Variants in CABLES2 observed in about 807,000 individuals in gnomAD.
CABLES2 encodes the protein CDK5 and ABL1 enzyme substrate 2.
CABLES2 carries 35 observed loss-of-function variants against 44.8 expected under a neutral mutation model. The observed-to-expected ratio is 0.78, with a 90% confidence interval of 0.60 to 1.04. The LOEUF is 1.04. Among genes scored for constraint, CABLES2 ranks in the 50% least tolerant of loss-of-function variants. The pLI, the probability that CABLES2 is intolerant of heterozygous loss-of-function variation, is 0.00. For synonymous variants in CABLES2, 282 were observed against 281.1 expected, an observed-to-expected ratio of 1.00 and a Z score of -0.03; for missense variants, 566 against 615.7, an observed-to-expected ratio of 0.92 and a Z score of 0.85.
chr20:62,398,089 C>CGGT (rs1376860164), intron 1 of CABLES2, among the ~76,000 whole-genome samples: 2 of 54,930 alleles, frequency 3.6e-5, no homozygotes, highest in Admixed American at 1.8e-4. Context: ...GTGGTGGTGA[C>CGGT]GGTGGTGGTG....
chr20:62,391,269 C>A lies in CABLES2; in HGVS notation c.1276G>T (p.Gly426Cys). Residue 426 changes from glycine (G) to cysteine (C), a missense_variant, in exon 9 of 10, where the codon GGC (glycine) becomes TGC (cysteine). This residue lies in a region of CABLES2 where 436 missense variants were observed against 536.3 expected (regional missense o/e 0.81). Transcript: ENST00000279101. This position sits in a 1 kb window ranked among gnomAD's most constrained non-coding sequence, Gnocchi z 5.7. The stretch of plus-strand genomic sequence containing the variant: ...CTCACATCGATGAGCTGCGTCACGC[C>A]GCTCTTGCGCAGGTCACTGCTGATC... ...AKISSDLRKS[G>C]VTQLIDKLEE... 2 of 1,610,188 alleles carry A rather than the reference C, an allele frequency of 1.2e-6. No individual in the cohort carries two copies. Among genetic ancestry groups the A allele is most frequent in the Non-Finnish European group, 1.7e-6 (2 of 1,178,096 alleles).
Position 62,393,524 on chromosome 20 carries a change from G to C in CABLES2, c.796C>G (p.Pro266Ala). 1 of 1,613,618 alleles carries C rather than the reference G, an allele frequency of 6.2e-7. No homozygotes were observed. The highest frequency in any genetic ancestry group is 8.5e-7 in the Non-Finnish European group (1 of 1,179,724). ...AGAGTCCGGGGGACACTGGGCCGAG[G>C]TGTGGGCAGCAGGCCATGGCTGTCA... ...KSDSHGLLPT[P>A]RPSVPRTLPG... The change falls in exon 6 of 10, where the codon CCT becomes GCT. Residue 266 changes from proline (P) to alanine (A), a missense_variant. Pro to Ala is a conservative substitution (Grantham distance 27). Transcript: ENST00000279101.
intron 1 of CABLES2, among the ~76,000 whole-genome samples, chr20:62,398,071 C>CAGT (rs1329645222): frequency 2.9e-5 from 2 of 68,302 alleles, no homozygotes; most frequent in African/African-American, 6.7e-5. Context: ...GTGGTGGTGA[C>CAGT]GGTGGTGGTG....
chr20:62,400,762 A>T (rs1445345561), intron 1 of CABLES2, among the ~76,000 whole-genome samples: 1 of 152,136 alleles, frequency 6.6e-6, no homozygotes, highest in African/African-American at 2.4e-5. Flanking sequence ...GAGCTGCAGC[A>T]GGGAGGCTGA....
rs1569013868 is a variant in CABLES2, at chr20:62,389,858, A to G, written c.*1113T>C. On this transcript the variant is annotated 3_prime_UTR_variant, in exon 10 of 10. Coordinates refer to ENST00000279101, the MANE Select transcript of CABLES2 (RefSeq NM_031215.3). Reference sequence around the variant, plus strand: ...CTGCACAGAAGGGACAACGACCACCATTTGGGGTCCTTTTAGCATGGTGGG... The same window carrying G: ...CTGCACAGAAGGGACAACGACCACCGTTTGGGGTCCTTTTAGCATGGTGGG... The G allele has an allele frequency of 6.6e-6, 1 of 152,220 alleles. No homozygotes were observed. Among genetic ancestry groups the G allele is most frequent in the Non-Finnish European group, 1.5e-5 (1 of 68,064 alleles). 9.4% of individuals were successfully genotyped at this position (152,220 alleles called of 1,614,324 possible). A position where few individuals can be genotyped will look rare whatever the true frequency, so the allele number is the denominator to read the frequency against.
intron 1 of CABLES2, chr20:62,405,303 C>T (rs888812333): frequency 2.6e-5 from 4 of 152,324 alleles, no homozygotes; most frequent in African/African-American, 9.6e-5. Flanking sequence ...TGCCGCTCTG[C>T]CCTGGAGAGT....
chr20:62,396,756 AG>A lies in CABLES2; in HGVS notation c.363-165del, dbSNP rs1270323749. Among the ~76,000 whole-genome samples, 4 of 151,964 alleles carry A rather than the reference AG, an allele frequency of 2.6e-5. No homozygotes were observed. Among genetic ancestry groups the A allele is most frequent in the Non-Finnish European group, 2.9e-5 (2 of 67,952 alleles). ...AGAGCCCATGCAGACTGAGGCGGGG[AG>A]GAGGGGCACCTCCTGCCTTGAGAGG... On this transcript the variant is annotated intron_variant, in intron 1 of 9. Coordinates refer to ENST00000279101, the MANE Select transcript of CABLES2 (RefSeq NM_031215.3). This position sits in a 1 kb window ranked among gnomAD's most constrained non-coding sequence, Gnocchi z 5.7.
At position 62,389,609 on chromosome 20, in the gene CABLES2, C is replaced by T. The variant is rs1388077971; in HGVS notation, c.*1362G>A. The T allele has an allele frequency of 6.6e-6, 1 of 152,222 alleles. No individual in the cohort carries two copies. The highest frequency in any genetic ancestry group is 1.5e-5 in the Non-Finnish European group (1 of 68,060). 9.4% of individuals were successfully genotyped at this position (152,222 alleles called of 1,614,324 possible). The stretch of plus-strand genomic sequence containing the variant: ...GCTAGAGACAAAGTCGTCCCAGAGC[C>T]CCTCCAGGGCCAGGCAGGTTTATAA... On this transcript the variant is annotated 3_prime_UTR_variant, in exon 10 of 10. Coordinates refer to ENST00000279101, the MANE Select transcript of CABLES2 (RefSeq NM_031215.3).
Position 62,391,498 on chromosome 20 carries a change from G to A in CABLES2, c.1092-45C>T. On this transcript the variant is annotated intron_variant, in intron 8 of 9. Transcript: ENST00000279101. The surrounding 1 kb of genome is among the most constrained non-coding windows in gnomAD (Gnocchi z 5.7). ...CCATGTCCCTGGGGGCTCTGGCTGG[G>A]GCTGAGGAGGCAGCCCCCTGCCACC... 6.3e-7 allele frequency: 1 copy of A among 1,592,996 alleles called. No homozygotes were observed. The highest frequency in any genetic ancestry group is 8.6e-7 in the Non-Finnish European group (1 of 1,163,352).
chr20:62,400,031 CAAGAGCTTGTTGAA>C (rs1338122688), intron 1 of CABLES2, among the ~76,000 whole-genome samples: 1 of 152,212 alleles, frequency 6.6e-6, no homozygotes, highest in African/African-American at 2.4e-5. Flanking sequence ...GCAAAGTCAA[CAAGAGCTTGTTGAA>C]AACAAGCTAG....
rs992858402 is a variant in CABLES2, at chr20:62,388,952, A to C, written c.*2019T>G. 3 of 171,950 alleles carry C rather than the reference A, an allele frequency of 1.7e-5. No homozygotes were observed. Among genetic ancestry groups the C allele is most frequent in the Admixed American group, 1.7e-4 (3 of 17,530 alleles). 10.7% of individuals were successfully genotyped at this position (171,950 alleles called of 1,614,324 possible). ...CATCATAAAAATGGGACATAACTGA[A>C]GGGAAGGCTTCACACATCACAAAGA... On this transcript the variant is annotated 3_prime_UTR_variant, in exon 10 of 10. Coordinates refer to ENST00000279101, the MANE Select transcript of CABLES2 (RefSeq NM_031215.3).
intron 3 of CABLES2, among the ~76,000 whole-genome samples, chr20:62,395,965 C>T (rs967681830): frequency 1.3e-5 from 2 of 152,250 alleles, no homozygotes; most frequent in African/African-American, 4.8e-5. Flanking sequence ...CCTCCGTGCT[C>T]CCAACAAAGC....
chr20:62,393,124 G>A (rs1987951271), intron 6 of CABLES2, 101 bp from the exon 7 acceptor site: 1 of 1,036,922 alleles, frequency 9.6e-7, no homozygotes, highest in East Asian at 2.5e-5. Flanking sequence ...AGGCCGAGCA[G>A]GGGAGGGGCT....
chr20:62,394,854 G>C, intron 4 of CABLES2, 83 bp downstream of exon 4: 1 of 1,303,176 alleles, frequency 7.7e-7, no homozygotes. Flanking sequence ...AGTGCCCGCT[G>C]ATGCCTCCTG....
chr20:62,397,983 G>GCGATGGTGGTGGTGA (rs1988064434), intron 1 of CABLES2, among the ~76,000 whole-genome samples: 1 of 68,670 alleles, frequency 1.5e-5, no homozygotes, highest in South Asian at 4.3e-4. Context: ...AGTGGTGATG[G>GCGATGGTGGTGGTGA]CGGTGGTGGT....
chr20:62,398,078 G>GACA (rs1988082727), intron 1 of CABLES2, among the ~76,000 whole-genome samples: 14 of 27,778 alleles, frequency 5.0e-4, no homozygotes, highest in Admixed American at 3.7e-3. Flanking sequence ...TGACGGTGGT[G>GACA]GTGGTGGTGA....
At chr20:62,394,075 C>T (rs1454612611) in intron 5 of CABLES2, 82 bp downstream of exon 5, 21 of 1,039,988 alleles carry the variant, frequency 2.0e-5, no homozygotes, top group East Asian at 4.7e-5. Flanking sequence ...ACGTGTGCCT[C>T]GTGGGCACTG....
chr20:62,398,447 G>C (rs529260230), intron 1 of CABLES2, among the ~76,000 whole-genome samples: 103 of 152,226 alleles, frequency 6.8e-4, no homozygotes, highest in African/African-American at 2.3e-3. Context: ...GGCTTGGCAT[G>C]GGGCATTCTC....
In CABLES2 at chr20:62,396,295, T is replaced by G; in HGVS notation, c.527+20A>C. On this transcript the variant is annotated intron_variant, in intron 3 of 9. Transcript: ENST00000279101. The surrounding 1 kb of genome is among the most constrained non-coding windows in gnomAD (Gnocchi z 5.7). ...TATGGAGACCACAGCCCTGGCCCGG[T>G]TCCCGGCTCCGCTTCATACCTGCTG... is the stretch of plus-strand genomic sequence containing the variant. 4.3e-6 allele frequency: 7 copies of G among 1,609,816 alleles called. No individual in the cohort carries two copies. Among genetic ancestry groups the G allele is most frequent in the Non-Finnish European group, 6.0e-6 (7 of 1,176,284 alleles).
Sources: gnomAD v4.1 joint callset for allele counts (sites outside exome capture counted in the v4.1 genomes callset) on GRCh38, gnomAD v4.1.1 for gene constraint, gnomAD v4.1.1 regional missense constraint, Gnocchi (gnomAD v3.1) non-coding constraint, MANE v1.5 for transcripts, NCBI Gene and HGNC (gene_info 2026-07-23, HGNC 2026-07-21) for gene names.